Variants in SLC25A21 observed in about 807,000 individuals in gnomAD.
SLC25A21 encodes solute carrier family 25 member 21.
SLC25A21 carries 47 observed loss-of-function variants against 43.8 expected under a neutral mutation model. The observed-to-expected ratio is 1.07, with a 90% CI of 0.85 to 1.37. The LOEUF (loss-of-function observed/expected upper bound fraction) is 1.37, where lower values mean the gene tolerates loss of function less well. Among genes scored for constraint, SLC25A21 ranks in the 40% most tolerant of loss-of-function variants. SLC25A21 has a pLI of 0.00. For missense variants in SLC25A21, 352 were observed against 350.2 expected (o/e 1.00, Z -0.04); for synonymous variants, 131 against 121.3 (o/e 1.08, Z -0.52).
intron 1 of SLC25A21, among the ~76,000 whole-genome samples, chr14:36,954,174 T>C (rs1004175060): frequency 6.6e-6 from 1 of 152,174 alleles, no homozygotes; most frequent in African/African-American, 2.4e-5. Flanking sequence ...TCTTGATGCA[T>C]CATCCCCAGT....
chr14:36,880,203 C>G (rs934574494), intron 1 of SLC25A21, among the ~76,000 whole-genome samples: 8 of 152,066 alleles, frequency 5.3e-5, no homozygotes, highest in Admixed American at 5.2e-4. Flanking sequence ...AGAGAAGGAG[C>G]CTGGTCTTCT....
chr14:37,058,311 C>T (rs1961873906), intron 1 of SLC25A21, among the ~76,000 whole-genome samples: 1 of 152,196 alleles, frequency 6.6e-6, no homozygotes, highest in Non-Finnish European at 1.5e-5. Context: ...ATGATCCTCA[C>T]TCTTTTGGAA....
intron 1 of SLC25A21, among the ~76,000 whole-genome samples, chr14:37,118,813 G>T (rs1387118652): frequency 6.6e-6 from 1 of 151,854 alleles, no homozygotes; most frequent in Non-Finnish European, 1.5e-5. Context: ...TTAATTTAAA[G>T]GTTTTTTCAG....
Position 37,009,439 on chromosome 14 carries a change from T to A in SLC25A21, c.71-134435A>T, listed in dbSNP as rs1190784119. ...AGGCGGAGGTTGCAGTGAGCCGAGA[T>A]CATGCCACTGCACTCCAGCCTGGGC... On this transcript the variant is annotated intron_variant, in intron 1 of 9. Coordinates refer to ENST00000331299, the MANE Select transcript of SLC25A21 (RefSeq NM_030631.4). 3.3e-5 allele frequency among the ~76,000 whole-genome samples: 5 copies of A among 151,942 alleles called. No individual in the cohort carries two copies. In the East Asian group the frequency reaches 9.7e-4, roughly 29 times the overall value.
At chr14:37,118,923 C>T (rs1963154886) in intron 1 of SLC25A21, among the ~76,000 whole-genome samples, 1 of 152,072 alleles carries the variant, frequency 6.6e-6, no homozygotes, top group Non-Finnish European at 1.5e-5. Flanking sequence ...CATTCTAAGT[C>T]ACAGGATGAG....
rs1259079113 is a variant in SLC25A21 at position 36,878,311 on chromosome 14, A to G, written c.71-3307T>C. Reference sequence around the variant, plus strand: ...TTTGGTCCAGGATCTCTATGTGATTATTTATTCACTGTTATTTTTAGTCAA... The same window carrying G: ...TTTGGTCCAGGATCTCTATGTGATTGTTTATTCACTGTTATTTTTAGTCAA... On this transcript the variant is annotated intron_variant, in intron 1 of 9. Transcript: ENST00000331299. 3.9e-5 allele frequency among the ~76,000 whole-genome samples: 6 copies of G among 152,314 alleles called. No homozygotes were observed. In the East Asian group the frequency reaches 9.7e-4, roughly 25 times the overall value.
chr14:37,032,216 TA>T (rs1216247804), intron 1 of SLC25A21, among the ~76,000 whole-genome samples: 3 of 152,136 alleles, frequency 2.0e-5, no homozygotes, highest in African/African-American at 7.2e-5. Flanking sequence ...TCTGAATTCC[TA>T]AAATAAGTGC....
chr14:36,696,887 GT>G (rs1004062018), intron 7 of SLC25A21, among the ~76,000 whole-genome samples: 2 of 152,004 alleles, frequency 1.3e-5, no homozygotes, highest in Non-Finnish European at 2.9e-5. Context: ...TTTTTGAAGG[GT>G]TTTTTTGTAT....
chr14:36,796,728 T>C (rs1435633506), intron 3 of SLC25A21, among the ~76,000 whole-genome samples: 1 of 152,132 alleles, frequency 6.6e-6, no homozygotes, highest in East Asian at 1.9e-4. Flanking sequence ...CGCAGCACAC[T>C]GTCACAAAAA....
At chr14:37,132,545 C>T (rs139376929) in intron 1 of SLC25A21, among the ~76,000 whole-genome samples, 8 of 152,272 alleles carry the variant, frequency 5.3e-5, no homozygotes, top group Admixed American at 1.3e-4. Flanking sequence ...GAGCTTCTGA[C>T]GCCACTGACT....
chr14:37,108,779 C>G (rs895765323), intron 1 of SLC25A21, among the ~76,000 whole-genome samples: 1 of 150,922 alleles, frequency 6.6e-6, no homozygotes, highest in Non-Finnish European at 1.5e-5. Flanking sequence ...TGTGTTTTGG[C>G]TTTTCAGTCT....
At chr14:36,689,794 A>T (rs1011625216) in intron 7 of SLC25A21, among the ~76,000 whole-genome samples, 1 of 152,214 alleles carries the variant, frequency 6.6e-6, no homozygotes, top group Non-Finnish European at 1.5e-5. Flanking sequence ...CTATTTGAAC[A>T]AGTCCTCCAA....
At chr14:36,739,023 A>G (rs1885149136) in intron 3 of SLC25A21, among the ~76,000 whole-genome samples, 3 of 152,180 alleles carry the variant, frequency 2.0e-5, no homozygotes, top group African/African-American at 7.2e-5. Context: ...ATAGCAACCT[A>G]AATCAAGTTC....
chr14:36,799,516 A>G (rs767907737), intron 3 of SLC25A21, among the ~76,000 whole-genome samples: 1 of 152,218 alleles, frequency 6.6e-6, no homozygotes, highest in African/African-American at 2.4e-5. Flanking sequence ...AGGTCATATT[A>G]TAAGAATAGT....
chr14:37,148,604 T>A (rs560190062), intron 1 of SLC25A21, among the ~76,000 whole-genome samples: 48 of 152,324 alleles, frequency 3.2e-4, no homozygotes, highest in African/African-American at 1.0e-3. Context: ...TGGGGATATA[T>A]AAGCAAAACA....
intron 1 of SLC25A21, among the ~76,000 whole-genome samples, chr14:37,150,834 C>A (rs942537453): frequency 2.6e-5 from 4 of 152,146 alleles, no homozygotes; most frequent in African/African-American, 4.8e-5. Flanking sequence ...TTGCAATTTA[C>A]TCCAAAGTGC....
At chr14:36,935,435 T>G (rs1892397221) in intron 1 of SLC25A21, among the ~76,000 whole-genome samples, 1 of 152,158 alleles carries the variant, frequency 6.6e-6, no homozygotes. Context: ...GCAAGTTGAG[T>G]CTGCACACTG....
intron 3 of SLC25A21, among the ~76,000 whole-genome samples, chr14:36,800,171 C>T (rs1887820513): frequency 6.6e-6 from 1 of 152,036 alleles, no homozygotes; most frequent in African/African-American, 2.4e-5. Flanking sequence ...AAAAGTCATT[C>T]TCTGTTAAAC....
chr14:37,162,264 T>C (rs527965189), intron 1 of SLC25A21, among the ~76,000 whole-genome samples: 13 of 152,308 alleles, frequency 8.5e-5, no homozygotes, highest in African/African-American at 2.9e-4. Context: ...AGCTCTTTAG[T>C]TTAATTAGAT....
Sources: gnomAD v4.1 joint callset for allele counts (sites outside exome capture counted in the v4.1 genomes callset) on GRCh38, gnomAD v4.1.1 for gene constraint, MANE v1.5 for transcripts, NCBI Gene and HGNC (gene_info 2026-07-23, HGNC 2026-07-21) for gene names.